The following MTMR7 variants were observed in gnomAD, a reference collection of about 807,000 sequenced individuals.
MTMR7 encodes myotubularin related protein 7.
A neutral mutation model predicts 81.2 loss-of-function variants in MTMR7; 76 were observed. The ratio of observed to expected loss-of-function variants is 0.94; its 90% CI spans 0.78 to 1.13. MTMR7 has a LOEUF of 1.13. Ranked by LOEUF, MTMR7 falls within the 50% of genes most tolerant of loss-of-function variation. The pLI, the probability that MTMR7 is intolerant of heterozygous loss-of-function variation, is 0.00. For synonymous variants in MTMR7, 372 were observed against 289.8 expected (o/e 1.28, Z -2.88); for missense variants, 1,044 against 820.0 (o/e 1.27, Z -3.34).
rs148380296 is a variant in MTMR7, at chr8:17,358,357, G to A, written c.468+2760C>T. On this transcript the variant is annotated intron_variant, in intron 4 of 13. Transcript: ENST00000180173. ...GACAAAAAGAATACACCAAGCAGAT[G>A]TCCTTAATCATTACGTGCTAAGCAG... Among the ~76,000 whole-genome samples, 7 of 152,230 alleles carry A rather than the reference G, an allele frequency of 4.6e-5. No homozygotes were observed. In the East Asian group the frequency reaches 1.4e-3, roughly 29 times the overall value.
In MTMR7 at chr8:17,366,885, C is replaced by CAAAAAAAAAAAAAAAAAAAAAAA. The variant is rs1277882494; in HGVS notation, c.310+4151_310+4152insTTTTTTTTTTTTTTTTTTTTTTT. ...TGGATGACAGAGCGAGACTCCATCTCAAAAAAAAAAAAACTGTAGCTGAAA... is the reference window on the plus strand; with the variant it reads ...TGGATGACAGAGCGAGACTCCATCTCAAAAAAAAAAAAAAAAAAAAAAAAAAAAAAAAAAAACTGTAGCTGAAA... On this transcript the variant is annotated intron_variant, in intron 3 of 13. Transcript: ENST00000180173. 3.4e-4 allele frequency among the ~76,000 whole-genome samples: 30 copies of CAAAAAAAAAAAAAAAAAAAAAAA among 88,110 alleles called. 1 individual carries two copies. The highest frequency in any genetic ancestry group is 1.7e-3 in the African/African-American group (28 of 16,926). 57.8% of individuals were successfully genotyped at this position (88,110 alleles called of 152,430 possible). A position where few individuals can be genotyped will look rare whatever the true frequency, so the allele number is the denominator to read the frequency against.
intron 5 of MTMR7, among the ~76,000 whole-genome samples, chr8:17,343,355 G>A (rs987545184): frequency 4.6e-5 from 7 of 151,954 alleles, no homozygotes; most frequent in Admixed American, 2.0e-4. Flanking sequence ...ACTTGAACCC[G>A]ACAGGCAGAG....
chr8:17,357,065 A>T (rs933151608), intron 4 of MTMR7, among the ~76,000 whole-genome samples: 1 of 152,138 alleles, frequency 6.6e-6, no homozygotes, highest in African/African-American at 2.4e-5. Context: ...AACCAACAAA[A>T]GAAAAAAAGA....
chr8:17,360,857 C>A (rs1820037664), intron 4 of MTMR7, among the ~76,000 whole-genome samples: 1 of 152,098 alleles, frequency 6.6e-6, no homozygotes, highest in Non-Finnish European at 1.5e-5. Flanking sequence ...CAAGGCCTGC[C>A]ACCCGGCCTC....
chr8:17,355,365 A>G (rs1819859716), intron 4 of MTMR7, among the ~76,000 whole-genome samples: 1 of 152,148 alleles, frequency 6.6e-6, no homozygotes, highest in African/African-American at 2.4e-5. Context: ...AAGTGTAATT[A>G]AGAGGAAGAT....
intron 5 of MTMR7, among the ~76,000 whole-genome samples, chr8:17,348,567 AACGT>A (rs1819633567): frequency 6.7e-6 from 1 of 150,222 alleles, no homozygotes. Context: ...AAAAAAAAAA[AACGT>A]AATAGAGAAA....
intron 1 of MTMR7, among the ~76,000 whole-genome samples, chr8:17,402,188 A>G (rs904117753): frequency 7.9e-5 from 12 of 152,144 alleles, no homozygotes; most frequent in African/African-American, 2.7e-4. Flanking sequence ...TAATAATCAC[A>G]TCATGGTAAA....
At chr8:17,413,119 G>T in intron 1 of MTMR7, 150 bp downstream of exon 1, 1 of 875,286 alleles carries the variant, frequency 1.1e-6, no homozygotes, top group Non-Finnish European at 1.8e-6. Flanking sequence ...GGCACCCCGG[G>T]ATGCTCAGGC....
intron 1 of MTMR7, among the ~76,000 whole-genome samples, chr8:17,410,492 G>A (rs1022474544): frequency 6.6e-6 from 1 of 152,190 alleles, no homozygotes. Context: ...AACCCAGACA[G>A]TGAAGTAGAA....
At chr8:17,409,128 C>T (rs900723952) in intron 1 of MTMR7, among the ~76,000 whole-genome samples, 11 of 152,046 alleles carry the variant, frequency 7.2e-5, no homozygotes, top group African/African-American at 2.7e-4. Flanking sequence ...CTGTACAATG[C>T]ACAAGAGGCC....
At chr8:17,358,099 A>T (rs1819951010) in intron 4 of MTMR7, among the ~76,000 whole-genome samples, 1 of 152,184 alleles carries the variant, frequency 6.6e-6, no homozygotes, top group African/African-American at 2.4e-5. Flanking sequence ...AGATATCTAG[A>T]ACAATATCAC....
chr8:17,383,649 T>C (rs1008263598), intron 1 of MTMR7, among the ~76,000 whole-genome samples: 8 of 152,228 alleles, frequency 5.3e-5, no homozygotes, highest in Non-Finnish European at 1.0e-4. Flanking sequence ...GAGAGGAATA[T>C]GTTTAACAAG....
At chr8:17,347,667 G>A (rs776792210) in intron 5 of MTMR7, among the ~76,000 whole-genome samples, 24 of 152,084 alleles carry the variant, frequency 1.6e-4, no homozygotes, top group Non-Finnish European at 3.4e-4. Flanking sequence ...TTTTTTAAAG[G>A]TGGTTTTTTG....
At chr8:17,367,407 A>T (rs17631466) in intron 3 of MTMR7, among the ~76,000 whole-genome samples, 5,492 of 152,254 alleles carry the variant, frequency 0.036, 513 homozygotes, top group East Asian at 0.31. Flanking sequence ...GCCTCTGAGA[A>T]ACGGGTCTTT....
At chr8:17,386,910 C>T (rs1013343156) in intron 1 of MTMR7, among the ~76,000 whole-genome samples, 1 of 152,156 alleles carries the variant, frequency 6.6e-6, no homozygotes, top group African/African-American at 2.4e-5. Flanking sequence ...TGATGGGTGA[C>T]CAAAGCCCAG....
At chr8:17,361,555 A>G (rs1288717618) in intron 3 of MTMR7, among the ~76,000 whole-genome samples, 1 of 152,210 alleles carries the variant, frequency 6.6e-6, no homozygotes, top group Non-Finnish European at 1.5e-5. Context: ...TTGTTGCTTT[A>G]AAAGCAAATA....
chr8:17,381,239 C>T (rs1820749856), intron 1 of MTMR7, among the ~76,000 whole-genome samples: 1 of 152,034 alleles, frequency 6.6e-6, no homozygotes, highest in Non-Finnish European at 1.5e-5. Flanking sequence ...CTTTTCTAGG[C>T]CAAGGCTGAA....
At position 17,313,173 on chromosome 8, in the gene MTMR7, G is replaced by A. The variant is rs1247726274; in HGVS notation, c.975+119C>T. 6.4e-6 allele frequency: 4 copies of A among 628,736 alleles called. No individual in the cohort carries two copies. The Admixed American group carries it at 8.4e-5, about 13-fold the overall frequency. 38.9% of individuals were successfully genotyped at this position (628,736 alleles called of 1,614,324 possible). ...ACAGACTACGGAGCTCTACAAAGCTGGCTATCCAGTCAGTGCAGTGCAGCT... is the reference window on the plus strand; with the variant it reads ...ACAGACTACGGAGCTCTACAAAGCTAGCTATCCAGTCAGTGCAGTGCAGCT... On this transcript the variant is annotated intron_variant, in intron 8 of 13. Coordinates refer to ENST00000180173, the MANE Select transcript of MTMR7 (RefSeq NM_004686.5).
chr8:17,399,489 A>G (rs1210891163), intron 1 of MTMR7, among the ~76,000 whole-genome samples: 1 of 152,190 alleles, frequency 6.6e-6, no homozygotes, highest in African/African-American at 2.4e-5. Context: ...AGGACACACA[A>G]AAATGGAAAG....
Sources: allele counts gnomAD v4.1 joint callset (sites outside exome capture counted in the v4.1 genomes callset), GRCh38; gene constraint gnomAD v4.1.1; transcripts MANE v1.5; gene names NCBI Gene and HGNC (gene_info 2026-07-23, HGNC 2026-07-21).